IL1RAPL1: variants seen among roughly 807,000 people sequenced by gnomAD.
IL1RAPL1 encodes the protein interleukin-1 receptor accessory protein-like 1.
In IL1RAPL1, 3 loss-of-function variants were observed where a neutral mutation model predicts 48.4. The ratio of observed to expected loss-of-function variants is 0.06; its 90% confidence interval spans 0.03 to 0.16. The LOEUF is 0.16. Ranked by LOEUF, IL1RAPL1 falls within the 10% of genes least tolerant of loss-of-function variation. The pLI is 1.00. For missense variants in IL1RAPL1, 349 were observed against 530.6 expected (o/e 0.66, Z 3.36); for synonymous variants, 185 against 187.7 (o/e 0.99, Z 0.12).
chrX:29,696,165 C>T (rs954347939), intron 6 of IL1RAPL1, among the ~76,000 whole-genome samples: 1 of 111,222 alleles, frequency 9.0e-6, no homozygotes, highest in Non-Finnish European at 1.9e-5. Flanking sequence ...GGCCTCTACC[C>T]ACTAGATGCC....
At chrX:29,953,089 G>A (rs1210088165) in intron 9 of IL1RAPL1, among the ~76,000 whole-genome samples, 1 of 111,920 alleles carries the variant, frequency 8.9e-6, no homozygotes, top group Non-Finnish European at 1.9e-5. Flanking sequence ...CAATGGTGAA[G>A]AATGTCCCTC....
intron 2 of IL1RAPL1, among the ~76,000 whole-genome samples, chrX:29,070,843 T>G (rs1927551460): frequency 8.9e-6 from 1 of 111,812 alleles, no homozygotes; most frequent in African/African-American, 3.2e-5. Flanking sequence ...TTCAAAATAT[T>G]GATTCATGAG....
chrX:29,381,833 A>ATATATATATATATATAT (rs1556002319), intron 3 of IL1RAPL1, among the ~76,000 whole-genome samples: 1 of 25,384 alleles, frequency 3.9e-5, no homozygotes, highest in African/African-American at 1.2e-4. Flanking sequence ...AAAAAAAAAA[A>ATATATATATATATATAT]ATATATATAT....
At chrX:29,689,966 C>T (rs1172336935) in intron 6 of IL1RAPL1, among the ~76,000 whole-genome samples, 3 of 111,279 alleles carry the variant, frequency 2.7e-5, no homozygotes, top group African/African-American at 9.8e-5. Flanking sequence ...AAGTAGGAGC[C>T]AGAGGTCAGA....
intron 2 of IL1RAPL1, among the ~76,000 whole-genome samples, chrX:28,887,404 AATAC>A (rs1331235597): frequency 1.8e-5 from 2 of 112,083 alleles, no homozygotes; most frequent in Admixed American, 9.5e-5. Context: ...AAAATATATA[AATAC>A]ATAAGTTATT....
chrX:29,466,486 C>T (rs754941901), intron 5 of IL1RAPL1, among the ~76,000 whole-genome samples: 49 of 111,974 alleles, frequency 4.4e-4, no homozygotes, highest in Non-Finnish European at 7.7e-4. Context: ...AAGCTGAAAT[C>T]ATGGGACTGA....
At chrX:29,944,451 A>G (rs1933183062) in intron 9 of IL1RAPL1, among the ~76,000 whole-genome samples, 1 of 111,770 alleles carries the variant, frequency 8.9e-6, no homozygotes, top group South Asian at 3.7e-4. Flanking sequence ...GCAAGTTTAA[A>G]ATCTATATCT....
intron 5 of IL1RAPL1, among the ~76,000 whole-genome samples, chrX:29,610,675 C>G (rs1301398650): frequency 2.7e-5 from 3 of 112,345 alleles, no homozygotes; most frequent in Non-Finnish European, 5.6e-5. Context: ...CCCTGAACTC[C>G]TTGCAGGTCT....
intron 2 of IL1RAPL1, among the ~76,000 whole-genome samples, chrX:28,932,687 A>G (rs1923915232): frequency 9.1e-6 from 1 of 109,553 alleles, no homozygotes; most frequent in African/African-American, 3.3e-5. Flanking sequence ...AGTATAGAGT[A>G]TATAGCTGTC....
At chrX:28,654,482 C>T (rs1162442737) in intron 1 of IL1RAPL1, among the ~76,000 whole-genome samples, 1 of 111,656 alleles carries the variant, frequency 9.0e-6, no homozygotes, top group Admixed American at 9.5e-5. Context: ...ATCCATGAAT[C>T]ATTTCAAATA....
chrX:29,699,967 A>C (rs1004970323), intron 6 of IL1RAPL1, among the ~76,000 whole-genome samples: 3 of 111,433 alleles, frequency 2.7e-5, no homozygotes, highest in African/African-American at 9.8e-5. Context: ...ATGAATCTTC[A>C]AGTTGGAAGA....
chrX:29,305,678 A>T (rs1005137940), intron 3 of IL1RAPL1, among the ~76,000 whole-genome samples: 2 of 111,876 alleles, frequency 1.8e-5, no homozygotes, highest in African/African-American at 6.5e-5. Context: ...GAAGTAAATA[A>T]GCACCACCTG....
intron 3 of IL1RAPL1, among the ~76,000 whole-genome samples, chrX:29,304,935 C>A (rs1185746463): frequency 1.8e-5 from 2 of 111,824 alleles, no homozygotes; most frequent in Non-Finnish European, 3.8e-5. Context: ...ATGCATTCAA[C>A]TATTCTTCCC....
rs188112448 is a variant in IL1RAPL1, at chrX:28,997,781, C to A, written c.82+208356C>A. ...TGAGTTCCTTCCAAGATCCCATGTT[C>A]CCCCCACCCCCACAACCAGATTTAT... On this transcript the variant is annotated intron_variant, in intron 2 of 10. Transcript: ENST00000378993. Among the ~76,000 whole-genome samples the A allele has an allele frequency of 6.8e-4, 75 of 110,797 alleles. No homozygotes were observed. The Middle Eastern group carries it at 0.014, about 20-fold the overall frequency.
intron 2 of IL1RAPL1, among the ~76,000 whole-genome samples, chrX:29,199,705 T>C (rs1930516923): frequency 8.9e-6 from 1 of 112,249 alleles, no homozygotes; most frequent in African/African-American, 3.2e-5. Context: ...TAATTCTTGC[T>C]AGCCTCCTGC....
chrX:28,721,490 A>G (rs1302811150), intron 1 of IL1RAPL1, among the ~76,000 whole-genome samples: 2 of 111,517 alleles, frequency 1.8e-5, no homozygotes, highest in Admixed American at 9.5e-5. Flanking sequence ...GATTCTGGAT[A>G]TTAGCCCTTT....
At chrX:29,540,131 A>G (rs1235725542) in intron 5 of IL1RAPL1, among the ~76,000 whole-genome samples, 1 of 111,753 alleles carries the variant, frequency 8.9e-6, no homozygotes, top group African/African-American at 3.3e-5. Context: ...TCTGTACACC[A>G]ATAATATTCA....
At chrX:28,978,666 T>C (rs956110789) in intron 2 of IL1RAPL1, among the ~76,000 whole-genome samples, 8 of 111,960 alleles carry the variant, frequency 7.1e-5, no homozygotes, top group Non-Finnish European at 1.1e-4. Flanking sequence ...ATTCAAAATG[T>C]GACTAGTCAG....
chrX:28,669,760 TTATA>T (rs1284767382), intron 1 of IL1RAPL1, among the ~76,000 whole-genome samples: 1 of 104,242 alleles, frequency 9.6e-6, no homozygotes, highest in Admixed American at 1.1e-4. Context: ...CATATATAAT[TTATA>T]TATATAATCA....
Sources: gnomAD v4.1 joint callset for allele counts (sites outside exome capture counted in the v4.1 genomes callset) on GRCh38, gnomAD v4.1.1 for gene constraint, MANE v1.5 for transcripts, NCBI Gene and HGNC (gene_info 2026-07-23, HGNC 2026-07-21) for gene names.